The following PARD3B variants were observed in gnomAD, a reference collection of about 807,000 sequenced individuals.
PARD3B encodes the protein par-3 family cell polarity regulator beta, also known as partitioning defective 3 homolog B.
PARD3B carries 103 observed loss-of-function variants against 130.2 expected under a neutral mutation model. The observed-to-expected ratio is 0.79, with a 90% confidence interval of 0.67 to 0.93. The LOEUF (loss-of-function observed/expected upper bound fraction) is 0.93. PARD3B is among the 40% of genes least tolerant of loss of function. The pLI is 0.00. For missense variants in PARD3B, 1,609 were observed against 1,499.2 expected (o/e 1.07, Z -1.21); for synonymous variants, 583 against 553.2 (o/e 1.05, Z -0.76).
At chr2:205,469,229 A>T (rs932585019) in intron 20 of PARD3B, among the ~76,000 whole-genome samples, 2 of 152,138 alleles carry the variant, frequency 1.3e-5, no homozygotes, top group Non-Finnish European at 2.9e-5. Context: ...AAGGGACTCT[A>T]CCCTTAGCTA....
chr2:205,113,496 T>A lies in PARD3B; in HGVS notation c.599T>A (p.Met200Lys), dbSNP rs114801020. ...SPRTKDTLSD[M>K]TRTVEISGEG... Reference sequence around the variant, plus strand: ...CTTGTTTTTTTCTGCCCCAGTGATATGACAAGAACAGTGGAGATTTCTGGG... The same window carrying A: ...CTTGTTTTTTTCTGCCCCAGTGATAAGACAAGAACAGTGGAGATTTCTGGG... The change falls in exon 6 of 23, where the codon ATG becomes AAG. Residue 200 changes from methionine to lysine, a missense_variant. Coordinates refer to ENST00000406610, the MANE Select transcript of PARD3B (RefSeq NM_001302769.2). 1,686 of 1,611,624 alleles carry A rather than the reference T, an allele frequency of 1.0e-3. 12 individuals are homozygous for A. The African/African-American group carries it at 0.02, about 19-fold the overall frequency.
At chr2:204,963,285 A>G (rs934002708) in intron 2 of PARD3B, among the ~76,000 whole-genome samples, 10 of 152,180 alleles carry the variant, frequency 6.6e-5, no homozygotes, top group African/African-American at 2.4e-4. Context: ...ACAGCAAAGT[A>G]TCTTAAGAAA....
rs1177932958 is a variant in PARD3B, at chr2:205,589,374, C to A, written c.3261-26082C>A. ...TGCCACAGGATGAGATTAAATCTCACCACAGGATCTCACCAAAATCAGGCT... is the reference window on the plus strand; with the variant it reads ...TGCCACAGGATGAGATTAAATCTCAACACAGGATCTCACCAAAATCAGGCT... On this transcript the variant is annotated intron_variant, in intron 22 of 22. Coordinates refer to ENST00000406610, the MANE Select transcript of PARD3B (RefSeq NM_001302769.2). The surrounding 1 kb of genome is among the most constrained non-coding windows in gnomAD (Gnocchi z 4.1). Among the ~76,000 whole-genome samples, 3 of 152,150 alleles carry A rather than the reference C, an allele frequency of 2.0e-5. No homozygotes were observed. The highest frequency in any genetic ancestry group is 4.4e-5 in the Non-Finnish European group (3 of 68,016).
In PARD3B at chr2:205,525,927, A is replaced by T. The variant is rs2051317172; in HGVS notation, c.3180+25896A>T. 6.6e-6 allele frequency among the ~76,000 whole-genome samples: 1 copy of T among 152,208 alleles called. No individual in the cohort carries two copies. The highest frequency in any genetic ancestry group is 6.5e-5 in the Admixed American group (1 of 15,282). ...TCAAAAATCATCTTAGAATCGAACC[A>T]GTCTTACTCTGATTTTCATGACACC... On this transcript the variant is annotated intron_variant, in intron 21 of 22. Coordinates refer to ENST00000406610, the MANE Select transcript of PARD3B (RefSeq NM_001302769.2). This position sits in a 1 kb window ranked among gnomAD's most constrained non-coding sequence, Gnocchi z 4.2.
At chr2:205,077,065 G>A (rs558449387) in intron 4 of PARD3B, among the ~76,000 whole-genome samples, 6 of 152,084 alleles carry the variant, frequency 3.9e-5, no homozygotes, top group African/African-American at 9.6e-5. Context: ...CCCTGAATCC[G>A]GTCCACCAAT....
chr2:205,098,569 C>T (rs879415700), intron 4 of PARD3B, among the ~76,000 whole-genome samples: 4 of 152,146 alleles, frequency 2.6e-5, no homozygotes, highest in Non-Finnish European at 2.9e-5. Flanking sequence ...AAAAAAGTAT[C>T]AATAGTGTTA....
chr2:205,382,028 A>T (rs527675044), intron 18 of PARD3B, among the ~76,000 whole-genome samples: 112 of 152,238 alleles, frequency 7.4e-4, no homozygotes, highest in Non-Finnish European at 1.4e-3. Flanking sequence ...CAATGTTAAA[A>T]TAGTGCGTAA....
chr2:205,205,118 A>G (rs907304045), intron 15 of PARD3B, among the ~76,000 whole-genome samples: 3 of 151,836 alleles, frequency 2.0e-5, no homozygotes, highest in African/African-American at 7.3e-5. Context: ...TTCCCCTCTT[A>G]TTTCCTTGAG....
chr2:205,045,970 CA>C (rs1278115750), intron 3 of PARD3B, among the ~76,000 whole-genome samples: 3 of 152,048 alleles, frequency 2.0e-5, no homozygotes, highest in African/African-American at 7.2e-5. Context: ...TTCTCCCATT[CA>C]AGATTATCAA....
chr2:205,030,051 A>G (rs993288565), intron 3 of PARD3B, among the ~76,000 whole-genome samples: 1 of 152,178 alleles, frequency 6.6e-6, no homozygotes, highest in African/African-American at 2.4e-5. Flanking sequence ...ACAAAAATGC[A>G]TCTTTACTCT....
chr2:205,308,181 G>A (rs1242907703), intron 18 of PARD3B, among the ~76,000 whole-genome samples: 1 of 152,016 alleles, frequency 6.6e-6, no homozygotes, highest in Non-Finnish European at 1.5e-5. Flanking sequence ...ATTTATTAAA[G>A]CCCTATTTTG....
chr2:205,337,267 A>T (rs2043348428), intron 18 of PARD3B, among the ~76,000 whole-genome samples: 1 of 152,184 alleles, frequency 6.6e-6, no homozygotes, highest in South Asian at 2.1e-4. Context: ...AATAAGTAAT[A>T]ATAATTTTTG....
At chr2:205,152,740 C>G (rs1465890308) in intron 10 of PARD3B, among the ~76,000 whole-genome samples, 1 of 152,118 alleles carries the variant, frequency 6.6e-6, no homozygotes, top group East Asian at 1.9e-4. Flanking sequence ...TTACCGATCT[C>G]CTGAAGCCTA....
At chr2:205,437,321 A>G (rs2047552769) in intron 19 of PARD3B, among the ~76,000 whole-genome samples, 1 of 152,132 alleles carries the variant, frequency 6.6e-6, no homozygotes, top group Admixed American at 6.5e-5. Flanking sequence ...CTTATTAGAG[A>G]TCCTCAATCT....
At chr2:205,052,812 G>A (rs1331560707) in intron 4 of PARD3B, among the ~76,000 whole-genome samples, 1 of 152,030 alleles carries the variant, frequency 6.6e-6, no homozygotes, top group Non-Finnish European at 1.5e-5. Flanking sequence ...AAGATTTTAA[G>A]AGGAATAGAA....
intron 2 of PARD3B, among the ~76,000 whole-genome samples, chr2:204,772,574 T>C (rs894189937): frequency 2.6e-5 from 4 of 152,180 alleles, no homozygotes; most frequent in Admixed American, 2.6e-4. Flanking sequence ...GAACACAGTT[T>C]ATATTTTGCA....
chr2:204,747,935 T>G (rs1255738445), intron 2 of PARD3B, among the ~76,000 whole-genome samples: 3 of 152,038 alleles, frequency 2.0e-5, no homozygotes, highest in Non-Finnish European at 4.4e-5. Flanking sequence ...AGAGCAAGCA[T>G]GAAGAAACAA....
chr2:204,545,539 A>G lies in PARD3B; in HGVS notation c.-461A>G, dbSNP rs1012381015. ...GGAGCCGGCGCAAAAGTTTCCTCCC[A>G]ACTCTGGCCCCGTGCGCCGCCGCCG... On this transcript the variant is annotated 5_prime_UTR_variant, in exon 1 of 23. Coordinates refer to ENST00000406610, the MANE Select transcript of PARD3B (RefSeq NM_001302769.2). 3.3e-5 allele frequency among the ~76,000 whole-genome samples: 5 copies of G among 151,878 alleles called. No homozygotes were observed. Among genetic ancestry groups the G allele is most frequent in the Non-Finnish European group, 1.5e-5 (1 of 67,952 alleles).
intron 2 of PARD3B, among the ~76,000 whole-genome samples, chr2:204,709,261 T>C (rs2038323827): frequency 6.6e-6 from 1 of 152,202 alleles, no homozygotes; most frequent in Non-Finnish European, 1.5e-5. Flanking sequence ...TTACATCATG[T>C]CAGTACCCAA....
Sources: gnomAD v4.1 joint callset for allele counts (sites outside exome capture counted in the v4.1 genomes callset) on GRCh38, gnomAD v4.1.1 for gene constraint, Gnocchi (gnomAD v3.1) non-coding constraint, MANE v1.5 for transcripts, NCBI Gene and HGNC (gene_info 2026-07-23, HGNC 2026-07-21) for gene names.